The following PKN2 variants were observed in gnomAD, a reference collection of about 807,000 sequenced individuals.
PKN2 encodes the protein protein kinase N2, also known as serine/threonine-protein kinase N2.
Under a neutral mutation model 119.1 loss-of-function variants are expected in PKN2, and 38 were observed. The ratio of observed to expected loss-of-function variants is 0.32; its 90% CI spans 0.25 to 0.42. The LOEUF (loss-of-function observed/expected upper bound fraction) is 0.42, where lower values mean the gene tolerates loss of function less well. Among genes scored for constraint, PKN2 ranks in the 10% least tolerant of loss-of-function variants. The pLI is 1.00. For synonymous variants in PKN2, 390 were observed against 384.9 expected (o/e 1.01, Z -0.15); for missense variants, 850 against 1,165.1 (o/e 0.73, Z 3.94).
intron 1 of PKN2, among the ~76,000 whole-genome samples, chr1:88,737,212 C>T (rs942683841): frequency 1.3e-5 from 2 of 152,208 alleles, no homozygotes; most frequent in African/African-American, 2.4e-5. Flanking sequence ...AGCCTGCCTG[C>T]TGCTGAGGTT....
chr1:88,804,304 A>G, intron 8 of PKN2, 87 bp from the exon 9 acceptor site: 2 of 1,054,186 alleles, frequency 1.9e-6, no homozygotes, highest in Non-Finnish European at 2.7e-6. Flanking sequence ...TTGTATTTGT[A>G]TTTCATATTT....
chr1:88,709,913 G>T (rs1667157784), intron 1 of PKN2, among the ~76,000 whole-genome samples: 2 of 152,282 alleles, frequency 1.3e-5, no homozygotes, highest in Non-Finnish European at 2.9e-5. Flanking sequence ...GTGGTGTTTG[G>T]CATCTGATTG....
At chr1:88,763,897 C>G (rs954349276) in intron 3 of PKN2, among the ~76,000 whole-genome samples, 75 of 152,156 alleles carry the variant, frequency 4.9e-4, no homozygotes, top group African/African-American at 1.7e-3. Flanking sequence ...TGAGGGGGAG[C>G]AAATTTAGGG....
intron 3 of PKN2, among the ~76,000 whole-genome samples, chr1:88,761,634 A>AG (rs1669447479): frequency 6.7e-6 from 1 of 149,108 alleles, no homozygotes; most frequent in Non-Finnish European, 1.5e-5. Context: ...AAAAAAAAAA[A>AG]GACATTAGGG....
intron 1 of PKN2, among the ~76,000 whole-genome samples, chr1:88,721,541 A>G (rs1454416817): frequency 6.6e-6 from 1 of 152,168 alleles, no homozygotes; most frequent in Non-Finnish European, 1.5e-5. Flanking sequence ...GTGAGTACAA[A>G]TAGAATCTAG....
At chr1:88,737,026 C>A (rs1668375069) in intron 1 of PKN2, among the ~76,000 whole-genome samples, 1 of 152,108 alleles carries the variant, frequency 6.6e-6, no homozygotes, top group African/African-American at 2.4e-5. Context: ...GTACCTGTTC[C>A]CCTCTCATTC....
At chr1:88,712,146 A>G (rs1376808339) in intron 1 of PKN2, among the ~76,000 whole-genome samples, 2 of 152,136 alleles carry the variant, frequency 1.3e-5, no homozygotes, top group Non-Finnish European at 2.9e-5. Context: ...CTGTTTTCCA[A>G]TATGATCTGA....
intron 8 of PKN2, among the ~76,000 whole-genome samples, chr1:88,788,549 G>A (rs576481494): frequency 6.5e-4 from 99 of 151,962 alleles, no homozygotes; most frequent in Non-Finnish European, 1.1e-3. Context: ...AGGTTCGAGT[G>A]ATTCTCCTGC....
chr1:88,790,977 A>G (rs1019507129), intron 8 of PKN2, among the ~76,000 whole-genome samples: 1 of 152,158 alleles, frequency 6.6e-6, no homozygotes, highest in African/African-American at 2.4e-5. Flanking sequence ...CATGGAGATA[A>G]TACCATCTCT....
intron 2 of PKN2, among the ~76,000 whole-genome samples, chr1:88,747,231 G>A (rs1303158618): frequency 6.6e-6 from 1 of 152,032 alleles, no homozygotes; most frequent in East Asian, 1.9e-4. Flanking sequence ...GCAATGTATT[G>A]TATATTTCAA....
At chr1:88,805,063 T>A in intron 10 of PKN2, 142 bp downstream of exon 10, 1 of 558,562 alleles carries the variant, frequency 1.8e-6, no homozygotes, top group Admixed American at 3.6e-5. Flanking sequence ...AGGAATATTT[T>A]AAATGTATCC....
chr1:88,780,802 C>G (rs1235910229), intron 6 of PKN2, among the ~76,000 whole-genome samples: 1 of 152,000 alleles, frequency 6.6e-6, no homozygotes, highest in Non-Finnish European at 1.5e-5. Flanking sequence ...TCTGAATGAT[C>G]CATTGATTAA....
chr1:88,806,342 G>T, intron 12 of PKN2: 1 of 282,380 alleles, frequency 3.5e-6, no homozygotes, highest in Non-Finnish European at 6.8e-6. Context: ...GCTAATTTTT[G>T]TATTTTCAGT....
chr1:88,717,945 G>T (rs530257573), intron 1 of PKN2, among the ~76,000 whole-genome samples: 1 of 152,174 alleles, frequency 6.6e-6, no homozygotes, highest in East Asian at 1.9e-4. Context: ...TCTACCTTTG[G>T]TCTTTGATGA....
intron 16 of PKN2, among the ~76,000 whole-genome samples, chr1:88,820,207 TATATATATATATATATATATATATATAA>T (rs1258733738): frequency 5.7e-4 from 63 of 110,982 alleles, no homozygotes; most frequent in African/African-American, 2.9e-3. Context: ...TATATATATA[TATATATATATATATATATATATATATAA>T]ATAGAAAAAA....
chr1:88,822,017 T>A lies in PKN2; in HGVS notation c.2342+14T>A, dbSNP rs1340069162. The A allele has an allele frequency of 6.6e-7, 1 of 1,510,374 alleles. No individual in the cohort carries two copies. Among genetic ancestry groups the A allele is most frequent in the Admixed American group, 2.2e-5 (1 of 45,478 alleles). The allele number at this position is 1,510,374 out of a possible 1,614,324, so 93.6% of individuals were successfully genotyped here. On this transcript the variant is annotated intron_variant, in intron 17 of 21. Transcript: ENST00000370521. ...AATTGTTTATAGGTAAGTTAATTTT[T>A]AATTTTTTCTAATGGCTTGCTTTGG...
At chr1:88,820,712 G>A (rs1672245992) in intron 16 of PKN2, among the ~76,000 whole-genome samples, 1 of 152,100 alleles carries the variant, frequency 6.6e-6, no homozygotes, top group South Asian at 2.1e-4. Context: ...AATGAGGTGA[G>A]ATGGAGATAG....
chr1:88,720,048 T>C (rs1018665969), intron 1 of PKN2, among the ~76,000 whole-genome samples: 19 of 151,730 alleles, frequency 1.3e-4, no homozygotes, highest in African/African-American at 4.6e-4. Flanking sequence ...TGTTGTTGTT[T>C]TTAAGACAAG....
chr1:88,763,481 C>T (rs761289812), intron 3 of PKN2, among the ~76,000 whole-genome samples: 6 of 152,010 alleles, frequency 3.9e-5, no homozygotes, highest in Non-Finnish European at 8.8e-5. Context: ...GTGGTGCATG[C>T]CTGTAATCCC....
Sources: allele counts gnomAD v4.1 joint callset (sites outside exome capture counted in the v4.1 genomes callset), GRCh38; gene constraint gnomAD v4.1.1; transcripts MANE v1.5; gene names NCBI Gene and HGNC (gene_info 2026-07-23, HGNC 2026-07-21).